The following COL22A1 variants were observed in gnomAD, a reference collection of about 807,000 sequenced individuals.
The protein encoded by COL22A1 is collagen alpha-1(XXII) chain.
Under a neutral mutation model 248.9 loss-of-function variants are expected in COL22A1, and 221 were observed. That is an observed-to-expected ratio of 0.89 (90% CI 0.80 to 0.99). COL22A1 has a LOEUF of 0.99. Among genes scored for constraint, COL22A1 ranks in the 50% least tolerant of loss-of-function variants. COL22A1 has a pLI of 0.00. For synonymous variants in COL22A1, 891 were observed against 793.4 expected (o/e 1.12, Z -2.07); for missense variants, 2,240 against 2,179.0 (o/e 1.03, Z -0.56).
chr8:138,903,151 C>T (rs1814745705), intron 1 of COL22A1, among the ~76,000 whole-genome samples: 1 of 152,154 alleles, frequency 6.6e-6, no homozygotes, highest in Non-Finnish European at 1.5e-5. Context: ...GGAGCAGGGA[C>T]ATGTGTCTAC....
At chr8:138,593,671 C>G (rs1817277394) in intron 63 of COL22A1, among the ~76,000 whole-genome samples, 1 of 152,098 alleles carries the variant, frequency 6.6e-6, no homozygotes. Flanking sequence ...GGCATTTAAT[C>G]TCCATTGAGA....
rs553306883 is a variant in COL22A1 at position 138,902,993 on chromosome 8, G to C, written c.-73+10626C>G. Among the ~76,000 whole-genome samples, 3 of 152,230 alleles carry C rather than the reference G, an allele frequency of 2.0e-5. No individual in the cohort carries two copies. The East Asian group carries it at 5.8e-4, about 29-fold the overall frequency. ...AGCCCTAATACCACTAATCACCCAT[G>C]GATCAGACTGGCGGGGCTAACACGT... On this transcript the variant is annotated intron_variant, in intron 1 of 64. Coordinates refer to ENST00000303045, the MANE Select transcript of COL22A1 (RefSeq NM_152888.3).
chr8:138,904,058 C>T (rs1343163535), intron 1 of COL22A1, among the ~76,000 whole-genome samples: 1 of 152,164 alleles, frequency 6.6e-6, no homozygotes, highest in East Asian at 1.9e-4. Context: ...CCTATCCCCG[C>T]TTTTTAAGCT....
chr8:138,805,166 G>GGT (rs1192092755), intron 10 of COL22A1, among the ~76,000 whole-genome samples: 5 of 137,914 alleles, frequency 3.6e-5, no homozygotes, highest in Admixed American at 3.6e-4. Flanking sequence ...TGTGCATGAG[G>GGT]GTGTGTGTGT....
intron 10 of COL22A1, among the ~76,000 whole-genome samples, chr8:138,805,685 G>A (rs1483378893): frequency 6.8e-6 from 1 of 147,340 alleles, no homozygotes; most frequent in Non-Finnish European, 1.5e-5. Context: ...GTGATGGTAT[G>A]TGTTTGTGAT....
In COL22A1 at chr8:138,594,191, C is replaced by A. The variant is rs748343987; in HGVS notation, c.4441G>T (p.Ala1481Ser). The A allele has an allele frequency of 1.3e-6, 2 of 1,569,826 alleles. No individual in the cohort carries two copies. The change falls in exon 63 of 65, where the codon GCC becomes TCC. Residue 1481 changes from alanine to serine, a missense_variant. By Grantham distance (99) the Ala-to-Ser change is moderately conservative (BLOSUM62 1). Transcript: ENST00000303045. Reference protein sequence around the residue: ...ELGKQLETRLAYLLAQMPPAY... With the variant: ...ELGKQLETRLSYLLAQMPPAY... Reference sequence around the variant, plus strand: ...GGGGGCATCTGGGCCAGGAGGTAGGCGAGTCTGGCTGTAAAGTAGAAAAAG... The same window carrying A: ...GGGGGCATCTGGGCCAGGAGGTAGGAGAGTCTGGCTGTAAAGTAGAAAAAG...
chr8:138,890,672 C>T (rs1259854632), intron 1 of COL22A1, among the ~76,000 whole-genome samples: 1 of 152,016 alleles, frequency 6.6e-6, no homozygotes, highest in Non-Finnish European at 1.5e-5. Context: ...ACTGGTAGAA[C>T]CAATAAACAA....
At chr8:138,835,701 A>G (rs1159036336) in intron 4 of COL22A1, among the ~76,000 whole-genome samples, 2 of 152,150 alleles carry the variant, frequency 1.3e-5, no homozygotes, top group African/African-American at 4.8e-5. Flanking sequence ...TGGGGGAGAG[A>G]ACACCCAGCA....
At chr8:138,802,784 C>A (rs1239502347) in intron 11 of COL22A1, 88 bp downstream of exon 11, 2 of 1,016,036 alleles carry the variant, frequency 2.0e-6, no homozygotes, top group Non-Finnish European at 3.1e-6. Flanking sequence ...ATTCAGCCCA[C>A]ACTTGCTGAT....
intron 23 of COL22A1, among the ~76,000 whole-genome samples, chr8:138,737,075 G>A (rs923063150): frequency 5.3e-5 from 8 of 152,068 alleles, no homozygotes; most frequent in African/African-American, 1.9e-4. Flanking sequence ...CTCCATTCCT[G>A]CCCAGCGCTG....
At chr8:138,773,465 T>A (rs1223172016) in intron 16 of COL22A1, among the ~76,000 whole-genome samples, 1 of 152,272 alleles carries the variant, frequency 6.6e-6, no homozygotes, top group Non-Finnish European at 1.5e-5. Context: ...CACCTTGGAT[T>A]CATCCATTGT....
chr8:138,737,411 T>A, intron 23 of COL22A1, 113 bp downstream of exon 23: 1 of 763,452 alleles, frequency 1.3e-6, no homozygotes, highest in Middle Eastern at 2.6e-4. Context: ...TTTTAATAGT[T>A]TGATGAGGTG....
chr8:138,727,397 G>A (rs1830396652), intron 23 of COL22A1, among the ~76,000 whole-genome samples: 1 of 152,106 alleles, frequency 6.6e-6, no homozygotes, highest in Admixed American at 6.5e-5. Context: ...ACAGATCCTC[G>A]AGGGCAGGCC....
At chr8:138,605,210 C>T (rs185877892) in intron 58 of COL22A1, among the ~76,000 whole-genome samples, 61 of 152,322 alleles carry the variant, frequency 4.0e-4, no homozygotes, top group Non-Finnish European at 5.0e-4. Context: ...CATAAGCTCT[C>T]TGTGCCTCAG....
At chr8:138,612,665 G>A (rs1026127076) in intron 56 of COL22A1, among the ~76,000 whole-genome samples, 7 of 152,066 alleles carry the variant, frequency 4.6e-5, no homozygotes, top group Non-Finnish European at 8.8e-5. Flanking sequence ...AGTGGCTCAC[G>A]CCTGTAATCC....
chr8:138,785,083 G>C (rs779871335), intron 12 of COL22A1, among the ~76,000 whole-genome samples: 1 of 152,172 alleles, frequency 6.6e-6, no homozygotes, highest in African/African-American at 2.4e-5. Flanking sequence ...ACATGGCAGA[G>C]TGAGGCAGGT....
intron 55 of COL22A1, among the ~76,000 whole-genome samples, chr8:138,614,294 C>G (rs917012766): frequency 1.3e-5 from 2 of 152,172 alleles, no homozygotes; most frequent in Non-Finnish European, 2.9e-5. Flanking sequence ...GTCTGAGTCA[C>G]CAGGGTGAAA....
intron 11 of COL22A1, among the ~76,000 whole-genome samples, chr8:138,797,459 T>C (rs1294756529): frequency 6.6e-6 from 1 of 152,204 alleles, no homozygotes; most frequent in African/African-American, 2.4e-5. Flanking sequence ...TGATATGACA[T>C]TGTACGCATA....
chr8:138,591,439 G>A lies in COL22A1; in HGVS notation c.4678C>T (p.Pro1560Ser), dbSNP rs755284801. ...PGVGLRGEMGPPGIPGQPGEP... is the reference protein window; with the variant it reads ...PGVGLRGEMGSPGIPGQPGEP... Reference sequence around the variant, plus strand: ...TGAGTCATACCTGGGATTCCAGGGGGTCCCATCTCGCCTCGGAGGCCAACT... The same window carrying A: ...TGAGTCATACCTGGGATTCCAGGGGATCCCATCTCGCCTCGGAGGCCAACT... The change falls in exon 64 of 65, where the codon CCC becomes TCC. Residue 1560 changes from proline (P) to serine (S), a missense_variant. Transcript: ENST00000303045. 2 of 1,581,320 alleles carry A rather than the reference G, an allele frequency of 1.3e-6. No individual in the cohort carries two copies. Among genetic ancestry groups the A allele is most frequent in the Non-Finnish European group, 1.7e-6 (2 of 1,163,674 alleles).
Sources: gnomAD v4.1 joint callset for allele counts (sites outside exome capture counted in the v4.1 genomes callset) on GRCh38, gnomAD v4.1.1 for gene constraint, MANE v1.5 for transcripts, NCBI Gene and HGNC (gene_info 2026-07-23, HGNC 2026-07-21) for gene names.